Variants in FAT1 observed in about 807,000 individuals in gnomAD.
FAT1 encodes protocadherin Fat 1.
Under a neutral mutation model 329.8 loss-of-function variants are expected in FAT1, and 171 were observed. That is an observed-to-expected ratio of 0.52 (90% CI 0.46 to 0.59). FAT1 has a LOEUF of 0.59. FAT1 is among the 20% of genes least tolerant of loss of function. The pLI, the probability that FAT1 is intolerant of heterozygous loss-of-function variation, is 0.00. For synonymous variants in FAT1, 2,233 were observed against 2,228.6 expected (o/e 1.00, Z -0.06); for missense variants, 5,672 against 5,774.4 (o/e 0.98, Z 0.57).
rs2126435506 is a variant in FAT1, at chr4:186,603,930, G to A, written c.10596C>T (p.Asp3532=). ...KPQLSSLTYI[D]IRVIEESIYP... ...AGATGCTCTCCTCAATTACCCTAAT[G>A]TCAATGTATGTCAAAGATGACAACT... Residue 3532 remains aspartate (D), a synonymous_variant, in exon 19 of 27, where the codon GAC becomes GAT. Transcript: ENST00000441802. The A allele has an allele frequency of 6.2e-7, 1 of 1,613,838 alleles. No homozygotes were observed. The highest frequency in any genetic ancestry group is 8.5e-7 in the Non-Finnish European group (1 of 1,179,766).
intron 6 of FAT1, among the ~76,000 whole-genome samples, chr4:186,634,133 T>A (rs1444444117): frequency 6.6e-6 from 1 of 152,208 alleles, no homozygotes; most frequent in African/African-American, 2.4e-5. Flanking sequence ...TGAATTCCTC[T>A]TCAATTTGTA....
intron 2 of FAT1, among the ~76,000 whole-genome samples, chr4:186,682,627 A>G (rs1401502464): frequency 2.6e-5 from 4 of 152,200 alleles, no homozygotes; most frequent in Non-Finnish European, 4.4e-5. Flanking sequence ...AAAGAAAACA[A>G]CTTTTAATGA....
chr4:186,711,562 G>T (rs190369219), intron 1 of FAT1, among the ~76,000 whole-genome samples: 14 of 152,096 alleles, frequency 9.2e-5, no homozygotes, highest in African/African-American at 3.4e-4. Context: ...AACCTTGCAT[G>T]GTGTTAAGGA....
At chr4:186,721,632 T>C (rs1276992182) in intron 1 of FAT1, among the ~76,000 whole-genome samples, 6 of 152,232 alleles carry the variant, frequency 3.9e-5, no homozygotes, top group African/African-American at 1.2e-4. Context: ...CTAATTTGAT[T>C]TGGCTGATTG....
intron 5 of FAT1, 131 bp downstream of exon 5, chr4:186,636,452 GCC>G: frequency 1.0e-6 from 1 of 993,138 alleles, no homozygotes; most frequent in Admixed American, 2.4e-5. Flanking sequence ...ATCCGGCATT[GCC>G]TAATGGGGCC....
chr4:186,666,815 C>T (rs1346572697), intron 2 of FAT1, among the ~76,000 whole-genome samples: 1 of 152,182 alleles, frequency 6.6e-6, no homozygotes, highest in Non-Finnish European at 1.5e-5. Context: ...CTATTAACTC[C>T]ATTTCACTAA....
chr4:186,704,535 T>C (rs933626814), intron 2 of FAT1, among the ~76,000 whole-genome samples: 3 of 152,196 alleles, frequency 2.0e-5, no homozygotes, highest in African/African-American at 7.2e-5. Context: ...TTGGTTCCAT[T>C]TTGTCTCAAC....
At chr4:186,678,341 T>C (rs1371110251) in intron 2 of FAT1, among the ~76,000 whole-genome samples, 4 of 151,684 alleles carry the variant, frequency 2.6e-5, no homozygotes, top group Non-Finnish European at 5.9e-5. Flanking sequence ...CAGTGGCTCA[T>C]GCTGGTAATC....
chr4:186,659,142 G>C (rs533214200), intron 3 of FAT1, among the ~76,000 whole-genome samples: 1 of 152,124 alleles, frequency 6.6e-6, no homozygotes, highest in Non-Finnish European at 1.5e-5. Flanking sequence ...TGCAGTGTTC[G>C]GTACAGGATC....
chr4:186,704,890 G>C (rs1375010848), intron 2 of FAT1, among the ~76,000 whole-genome samples: 1 of 149,564 alleles, frequency 6.7e-6, no homozygotes, highest in Non-Finnish European at 1.5e-5. Context: ...AACAGAGAAA[G>C]AATTCCTTGC....
Position 186,619,816 on chromosome 4 carries a change from G to A in FAT1, c.6770C>T (p.Thr2257Ile), listed in dbSNP as rs2126509419. The A allele has an allele frequency of 1.9e-6, 3 of 1,614,028 alleles. No homozygotes were observed. The highest frequency in any genetic ancestry group is 1.7e-6 in the Non-Finnish European group (2 of 1,179,906). ...AGCATGAGCGCCCGTCAAGGAGTCA[G>A]TTGCGCGTATGCTCAGCTTATATGC... Reference protein sequence around the residue: ...HPAYKLSIRATDSLTGAHAEV... With the variant: ...HPAYKLSIRAIDSLTGAHAEV... Residue 2257 changes from threonine to isoleucine, a missense_variant, in exon 10 of 27, where the codon ACT (threonine) becomes ATT (isoleucine). Coordinates refer to ENST00000441802, the MANE Select transcript of FAT1 (RefSeq NM_005245.4).
intron 2 of FAT1, 54 bp from the exon 3 acceptor site, chr4:186,663,667 G>T: frequency 1.4e-6 from 2 of 1,411,262 alleles, no homozygotes; most frequent in Non-Finnish European, 1.9e-6. Context: ...AAAACTGCCA[G>T]CTTCAGAAAG....
intron 3 of FAT1, among the ~76,000 whole-genome samples, chr4:186,659,779 T>C (rs1742080351): frequency 6.8e-6 from 1 of 146,420 alleles, no homozygotes; most frequent in Admixed American, 6.8e-5. Context: ...TCCTGCACTT[T>C]ACACACACAA....
intron 9 of FAT1, among the ~76,000 whole-genome samples, chr4:186,627,740 C>T (rs1167246283): frequency 6.6e-6 from 1 of 152,210 alleles, no homozygotes; most frequent in Non-Finnish European, 1.5e-5. Flanking sequence ...GAGCTTCCTG[C>T]TCTGCTCAAG....
Position 186,708,870 on chromosome 4 carries a change from T to C in FAT1, c.958A>G (p.Ile320Val). 1.2e-6 allele frequency: 2 copies of C among 1,613,986 alleles called. No homozygotes were observed. Among genetic ancestry groups the C allele is most frequent in the Non-Finnish European group, 8.5e-7 (1 of 1,179,894 alleles). Residue 320 changes from isoleucine (I) to valine (V), a missense_variant, in exon 2 of 27, where the codon ATC becomes GTC. Physicochemically the swap from Ile to Val is conservative, Grantham distance 29. This residue lies in a region of FAT1 where 3,966 missense variants were observed against 3,915.2 expected (regional missense o/e 1.01). Transcript: ENST00000441802. ...TGACTGTCCCAATCAATGCCACCGATGGCTTTGACTTTATACTCCTTACTC... is the reference window on the plus strand; with the variant it reads ...TGACTGTCCCAATCAATGCCACCGACGGCTTTGACTTTATACTCCTTACTC... ...PGSKEYKVKA[I>V]GGIDWDSHPF...
At chr4:186,672,314 C>T (rs529217260) in intron 2 of FAT1, among the ~76,000 whole-genome samples, 6 of 152,232 alleles carry the variant, frequency 3.9e-5, no homozygotes, top group Admixed American at 2.0e-4. Context: ...AACCAAGAAG[C>T]ATCCCTCGTG....
At position 186,682,526 on chromosome 4, in the gene FAT1, C is replaced by CAAAAAAAAA. The variant is rs10561120; in HGVS notation, c.3266-18922_3266-18914dup. 1.4e-3 allele frequency among the ~76,000 whole-genome samples: 169 copies of CAAAAAAAAA among 119,544 alleles called. 1 individual carries two copies. The highest frequency in any genetic ancestry group is 2.8e-3 in the South Asian group (10 of 3,608). 78.4% of individuals were successfully genotyped at this position (119,544 alleles called of 152,430 possible). On this transcript the variant is annotated intron_variant, in intron 2 of 26. Transcript: ENST00000441802. ...TGAGTGAAAGAGCGAGACTCTGTCT[C>CAAAAAAAAA]AAAAAAAAAAAAAAAAAAGAAAGTT...
intron 2 of FAT1, among the ~76,000 whole-genome samples, chr4:186,688,247 C>T (rs143456017): frequency 3.3e-5 from 5 of 152,048 alleles, no homozygotes; most frequent in African/African-American, 1.2e-4. Flanking sequence ...GAGGCACCCA[C>T]AGAGATATGG....
At chr4:186,695,736 A>T (rs1002474079) in intron 2 of FAT1, among the ~76,000 whole-genome samples, 36 of 148,850 alleles carry the variant, frequency 2.4e-4, no homozygotes, top group Admixed American at 9.6e-4. Context: ...TGCTAAAATA[A>T]TTTTTAATAT....
Sources: allele counts gnomAD v4.1 joint callset (sites outside exome capture counted in the v4.1 genomes callset), GRCh38; gene constraint gnomAD v4.1.1; regional missense constraint gnomAD v4.1.1; transcripts MANE v1.5; gene names NCBI Gene and HGNC (gene_info 2026-07-23, HGNC 2026-07-21).